The following KDM5B variants were observed in gnomAD, a reference collection of about 807,000 sequenced individuals.
KDM5B encodes lysine demethylase 5B.
Under a neutral mutation model 193.4 loss-of-function variants are expected in KDM5B, and 144 were observed. The ratio of observed to expected loss-of-function variants is 0.74; its 90% confidence interval spans 0.65 to 0.86. The LOEUF is 0.86. Among genes scored for constraint, KDM5B ranks in the 40% least tolerant of loss-of-function variants. The pLI, the probability that KDM5B is intolerant of heterozygous loss-of-function variation, is 0.00. For synonymous variants in KDM5B, 668 were observed against 682.6 expected, an observed-to-expected ratio of 0.98 and a Z score of 0.33; for missense variants, 1,833 against 1,886.9, an observed-to-expected ratio of 0.97 and a Z score of 0.53.
chr1:202,762,898 A>G, intron 6 of KDM5B, 90 bp from the exon 7 acceptor site: 1 of 732,928 alleles, frequency 1.4e-6, no homozygotes, highest in Non-Finnish European at 2.5e-6. Context: ...GTACACAAAC[A>G]TAATTTCATG....
chr1:202,799,509 C>T (rs988433984), intron 1 of KDM5B, among the ~76,000 whole-genome samples: 2 of 151,814 alleles, frequency 1.3e-5, no homozygotes, highest in Non-Finnish European at 2.9e-5. Context: ...CAAAATTAGC[C>T]GGGTGTGGTG....
chr1:202,766,431 AGGAGGC>A (rs1211528208), intron 5 of KDM5B: 1 of 396,240 alleles, frequency 2.5e-6, no homozygotes, highest in Non-Finnish European at 4.9e-6. Context: ...GCTGGAATCT[AGGAGGC>A]GGAGGTTGCA....
Position 202,728,828 on chromosome 1 carries a change from G to T in KDM5B, c.*208C>A. 1.8e-6 allele frequency: 1 copy of T among 549,366 alleles called. No homozygotes were observed. Among genetic ancestry groups the T allele is most frequent in the Non-Finnish European group, 3.1e-6 (1 of 324,220 alleles). 34.0% of individuals were successfully genotyped at this position (549,366 alleles called of 1,614,324 possible). On this transcript the variant is annotated 3_prime_UTR_variant, in exon 27 of 27. Coordinates refer to ENST00000367265, the MANE Select transcript of KDM5B (RefSeq NM_006618.5). ...TCAACAACCACAAATAGCTCTTAAG[G>T]AAAAAATACAAAAAGTGTCAAAAAT...
intron 5 of KDM5B, 32 bp downstream of exon 5, chr1:202,766,894 T>C: frequency 6.4e-7 from 1 of 1,551,658 alleles, no homozygotes; most frequent in Non-Finnish European, 8.6e-7. Flanking sequence ...GGCTTGAGAA[T>C]TCCTTTTAAA....
intron 1 of KDM5B, among the ~76,000 whole-genome samples, chr1:202,779,602 C>A (rs879770000): frequency 3.9e-5 from 6 of 152,056 alleles, no homozygotes; most frequent in African/African-American, 1.4e-4. Flanking sequence ...GGTCAGGAGA[C>A]CAGCCTGGCC....
At chr1:202,771,845 G>A (rs1266228831) in intron 4 of KDM5B, among the ~76,000 whole-genome samples, 2 of 152,172 alleles carry the variant, frequency 1.3e-5, no homozygotes, top group Admixed American at 6.5e-5. Context: ...CTCCCAAAGT[G>A]CTGGGATTAC....
chr1:202,753,146 C>T (rs1218690594), intron 11 of KDM5B, 79 bp from the exon 12 acceptor site: 6 of 1,306,040 alleles, frequency 4.6e-6, no homozygotes, highest in Non-Finnish European at 6.4e-6. Context: ...ATTTTTCAGA[C>T]TCGGCTTTGT....
At chr1:202,799,423 G>A (rs1352283645) in intron 1 of KDM5B, among the ~76,000 whole-genome samples, 1 of 152,222 alleles carries the variant, frequency 6.6e-6, no homozygotes, top group African/African-American at 2.4e-5. Context: ...GGAGGCCGAG[G>A]TGGGCGGGTC....
intron 5 of KDM5B, among the ~76,000 whole-genome samples, 193 bp from the exon 6 acceptor site, chr1:202,764,338 A>G (rs1408520325): frequency 1.1e-4 from 16 of 152,162 alleles, no homozygotes. Flanking sequence ...TGAGAAATTT[A>G]AAAATAGGGA....
intron 13 of KDM5B, among the ~76,000 whole-genome samples, chr1:202,749,611 C>CTAGGCAT (rs112104139): frequency 6.6e-6 from 1 of 151,180 alleles, no homozygotes. Flanking sequence ...AGCCTAGGCC[C>CTAGGCAT]TATTTATCTT....
At chr1:202,729,675 A>G in intron 26 of KDM5B, 32 bp downstream of exon 26, 1 of 1,582,774 alleles carries the variant, frequency 6.3e-7, no homozygotes, top group Non-Finnish European at 8.6e-7. Context: ...GTTAAGGGAA[A>G]GCACGTCCTC....
chr1:202,730,344 C>A (rs527524544), intron 25 of KDM5B, among the ~76,000 whole-genome samples: 26 of 152,282 alleles, frequency 1.7e-4, no homozygotes, highest in Admixed American at 1.1e-3. Context: ...CTTCCTTTCA[C>A]CAAATCCCTG....
rs150154560 is a variant in KDM5B at position 202,778,130 on chromosome 1, G to A, written c.205-1036C>T. 9.9e-4 allele frequency among the ~76,000 whole-genome samples: 150 copies of A among 151,746 alleles called. 1 individual carries two copies. In the East Asian group the frequency reaches 0.027, roughly 27 times the overall value. On this transcript the variant is annotated intron_variant, in intron 1 of 26. Transcript: ENST00000367265. Reference sequence around the variant, plus strand: ...GCAGAGGTTGCAGTGAGCCAAGATCGCGCCATTGCACTCCAACCTGGGCAA... The same window carrying A: ...GCAGAGGTTGCAGTGAGCCAAGATCACGCCATTGCACTCCAACCTGGGCAA...
intron 1 of KDM5B, among the ~76,000 whole-genome samples, chr1:202,791,620 C>T (rs978143308): frequency 2.0e-5 from 3 of 152,134 alleles, no homozygotes; most frequent in African/African-American, 7.2e-5. Context: ...TCTCCATATC[C>T]CCCCAACCTT....
At chr1:202,763,999 T>C in intron 6 of KDM5B, 50 bp downstream of exon 6, 1 of 1,039,782 alleles carries the variant, frequency 9.6e-7, no homozygotes, top group Non-Finnish European at 1.5e-6. Flanking sequence ...TGAATAGTTA[T>C]TTTTACTTTA....
intron 1 of KDM5B, among the ~76,000 whole-genome samples, chr1:202,785,979 T>C (rs1657395789): frequency 6.6e-6 from 1 of 151,810 alleles, no homozygotes; most frequent in Admixed American, 6.6e-5. Context: ...CGTTTCCAAG[T>C]GGCCTAATGC....
chr1:202,758,375 G>C lies in KDM5B; in HGVS notation c.1197+16C>G. The C allele has an allele frequency of 6.9e-6, 11 of 1,596,068 alleles. No individual in the cohort carries two copies. Among genetic ancestry groups the C allele is most frequent in the African/African-American group, 1.3e-5 (1 of 74,716 alleles). On this transcript the variant is annotated intron_variant, in intron 9 of 26. Coordinates refer to ENST00000367265, the MANE Select transcript of KDM5B (RefSeq NM_006618.5). Reference sequence around the variant, plus strand: ...GCTATTAAAATCCTAAATCAAAGCAGTATATATGTACATACATGGACTGGC... The same window carrying C: ...GCTATTAAAATCCTAAATCAAAGCACTATATATGTACATACATGGACTGGC...
intron 13 of KDM5B, among the ~76,000 whole-genome samples, chr1:202,750,018 A>C (rs1655728629): frequency 6.6e-6 from 1 of 152,234 alleles, no homozygotes; most frequent in Non-Finnish European, 1.5e-5. Flanking sequence ...AGCTAGTACT[A>C]TACAAAGCCT....
chr1:202,751,195 TCATTCCCTTCTTCCTAC>T (rs1655775589), intron 12 of KDM5B, among the ~76,000 whole-genome samples: 1 of 152,086 alleles, frequency 6.6e-6, no homozygotes, highest in African/African-American at 2.4e-5. Context: ...TTACCTCCCA[TCATTCCCTTCTTCCTAC>T]CACCACCCTC....
Sources: gnomAD v4.1 joint callset for allele counts (sites outside exome capture counted in the v4.1 genomes callset) on GRCh38, gnomAD v4.1.1 for gene constraint, MANE v1.5 for transcripts, NCBI Gene and HGNC (gene_info 2026-07-23, HGNC 2026-07-21) for gene names.